The following ACOXL variants were observed in gnomAD, a reference collection of about 807,000 sequenced individuals.
The protein encoded by ACOXL is acyl-coenzyme A oxidase-like protein.
ACOXL carries 70 observed loss-of-function variants against 71.9 expected under a neutral mutation model. That is an observed-to-expected ratio of 0.97 (90% CI 0.80 to 1.19). The LOEUF (loss-of-function observed/expected upper bound fraction) is 1.19, where lower values mean the gene tolerates loss of function less well. Ranked by LOEUF, ACOXL falls within the 50% of genes most tolerant of loss-of-function variation. The pLI is 0.00. For synonymous variants in ACOXL, 253 were observed against 281.6 expected (o/e 0.90, Z 1.02); for missense variants, 703 against 736.3 (o/e 0.95, Z 0.52).
chr2:110,856,555 A>G (rs1259544203), intron 10 of ACOXL, among the ~76,000 whole-genome samples: 1 of 152,258 alleles, frequency 6.6e-6, no homozygotes, highest in Non-Finnish European at 1.5e-5. Context: ...GCGGTTGCTA[A>G]GATCTACAGA....
At chr2:111,068,471 C>T (rs1392089751) in intron 16 of ACOXL, among the ~76,000 whole-genome samples, 1 of 152,194 alleles carries the variant, frequency 6.6e-6, no homozygotes, top group Non-Finnish European at 1.5e-5. Context: ...AGGAGCCCAT[C>T]AGTGAATCCT....
chr2:110,909,129 T>G (rs1026047226), intron 11 of ACOXL, among the ~76,000 whole-genome samples: 1 of 152,236 alleles, frequency 6.6e-6, no homozygotes, highest in Non-Finnish European at 1.5e-5. Context: ...GTCCAAATCT[T>G]GATTGTCTCT....
chr2:111,000,653 T>C (rs1164508635), intron 14 of ACOXL, among the ~76,000 whole-genome samples: 2 of 152,348 alleles, frequency 1.3e-5, no homozygotes, highest in Middle Eastern at 6.8e-3. Context: ...TTCTGGTTGC[T>C]ACTGGCAATG....
At chr2:110,756,849 A>G (rs2104860624) in intron 1 of ACOXL, among the ~76,000 whole-genome samples, 1 of 152,180 alleles carries the variant, frequency 6.6e-6, no homozygotes, top group Middle Eastern at 3.4e-3. Context: ...CTTATCACAC[A>G]TCTTTTTAAA....
At chr2:110,968,122 G>A (rs1306122078) in intron 12 of ACOXL, 2 of 1,340,516 alleles carry the variant, frequency 1.5e-6, no homozygotes, top group African/African-American at 2.9e-5. Context: ...AAATTATGCT[G>A]CAGAGTATTG....
At chr2:110,747,045 C>G (rs576618751) in intron 1 of ACOXL, among the ~76,000 whole-genome samples, 3 of 152,220 alleles carry the variant, frequency 2.0e-5, no homozygotes, top group East Asian at 1.9e-4. Flanking sequence ...AAGCCCCTAC[C>G]CAACAATCAG....
intron 10 of ACOXL, among the ~76,000 whole-genome samples, chr2:110,877,816 G>C (rs1696113627): frequency 6.6e-6 from 1 of 152,238 alleles, no homozygotes. Context: ...TTCACTGCCT[G>C]CTGGCGTCTC....
intron 11 of ACOXL, among the ~76,000 whole-genome samples, chr2:110,915,384 GTA>G (rs1373150185): frequency 1.6e-4 from 22 of 138,320 alleles, no homozygotes; most frequent in East Asian, 4.1e-4. Flanking sequence ...GTGTGTGTAT[GTA>G]TGTGTGTGTG....
intron 1 of ACOXL, among the ~76,000 whole-genome samples, chr2:110,736,099 G>A (rs1676799514): frequency 6.6e-6 from 1 of 151,952 alleles, no homozygotes; most frequent in Admixed American, 6.5e-5. Context: ...ACCTTTTCAT[G>A]TGTTTAGCTT....
intron 8 of ACOXL, among the ~76,000 whole-genome samples, chr2:110,804,544 AT>A (rs1686393964): frequency 6.6e-6 from 1 of 152,250 alleles, no homozygotes; most frequent in African/African-American, 2.4e-5. Context: ...TGTCCATAGC[AT>A]AATTATTCAC....
chr2:111,040,843 T>C (rs944811316), intron 15 of ACOXL, among the ~76,000 whole-genome samples: 1 of 151,726 alleles, frequency 6.6e-6, no homozygotes, highest in Non-Finnish European at 1.5e-5. Flanking sequence ...GTAGGGCCAA[T>C]GTGAGGGTGA....
intron 12 of ACOXL, among the ~76,000 whole-genome samples, chr2:110,948,882 T>A (rs961234926): frequency 6.6e-6 from 1 of 151,566 alleles, no homozygotes. Flanking sequence ...CCCTCCAACC[T>A]GGATGCTGCA....
At chr2:110,916,855 C>T (rs1326583928) in intron 11 of ACOXL, among the ~76,000 whole-genome samples, 2 of 152,054 alleles carry the variant, frequency 1.3e-5, no homozygotes, top group Non-Finnish European at 2.9e-5. Flanking sequence ...AAGTCTAAAC[C>T]AGGAAGAAGT....
chr2:110,828,661 G>A (rs537199109), intron 9 of ACOXL, among the ~76,000 whole-genome samples: 133 of 152,320 alleles, frequency 8.7e-4, no homozygotes, highest in Non-Finnish European at 8.2e-4. Context: ...GTAAGGAGCC[G>A]TTGTAATCCC....
intron 17 of ACOXL, among the ~76,000 whole-genome samples, chr2:111,112,115 T>A (rs1444865024): frequency 1.3e-5 from 2 of 152,264 alleles, no homozygotes; most frequent in Non-Finnish European, 2.9e-5. Context: ...TGCTAAATAT[T>A]GTTTATCAAC....
At chr2:110,835,453 C>T (rs917667508) in intron 9 of ACOXL, among the ~76,000 whole-genome samples, 1 of 152,054 alleles carries the variant, frequency 6.6e-6, no homozygotes, top group Non-Finnish European at 1.5e-5. Context: ...CAAGGCTTGC[C>T]CTTGGCCTTG....
intron 12 of ACOXL, among the ~76,000 whole-genome samples, chr2:110,982,688 G>A (rs1431492451): frequency 6.6e-6 from 1 of 152,206 alleles, no homozygotes; most frequent in Non-Finnish European, 1.5e-5. Flanking sequence ...AGGATGCCCA[G>A]CTACATTTGT....
At chr2:110,748,258 T>A (rs1678485242) in intron 1 of ACOXL, among the ~76,000 whole-genome samples, 1 of 151,906 alleles carries the variant, frequency 6.6e-6, no homozygotes, top group Non-Finnish European at 1.5e-5. Flanking sequence ...AAAACTTAAG[T>A]AAGGAGGCAA....
Position 110,748,355 on chromosome 2 carries a change from G to A in ACOXL, c.-23+15581G>A, listed in dbSNP as rs904798769. 4.6e-5 allele frequency among the ~76,000 whole-genome samples: 7 copies of A among 152,290 alleles called. No homozygotes were observed. The South Asian group carries it at 1.2e-3, about 27-fold the overall frequency. On this transcript the variant is annotated intron_variant, in intron 1 of 17. Transcript: ENST00000439055. ...ACTCCGTGGAGTGCCCAGGATGCAG[G>A]GGGGTGGATTGGAAGTGCCTATCAG...
Sources: allele counts gnomAD v4.1 joint callset (sites outside exome capture counted in the v4.1 genomes callset), GRCh38; gene constraint gnomAD v4.1.1; transcripts MANE v1.5; gene names NCBI Gene and HGNC (gene_info 2026-07-23, HGNC 2026-07-21).